Variants in C7 observed in about 807,000 individuals in gnomAD.
C7 encodes the protein complement C7, also known as complement component C7.
In C7, 83 loss-of-function variants were observed where a neutral mutation model predicts 104.8. That is an observed-to-expected ratio of 0.79 (90% CI 0.66 to 0.95). The LOEUF is 0.95. Ranked by LOEUF, C7 falls within the 40% of genes least tolerant of loss-of-function variation. The probability of loss-of-function intolerance (pLI) is 0.00; values close to 1 mark genes in which losing one functional copy is unlikely to be tolerated. For synonymous variants in C7, 415 were observed against 360.6 expected (o/e 1.15, Z -1.71); for missense variants, 1,070 against 1,011.2 (o/e 1.06, Z -0.79).
At chr5:40,966,665 C>T (rs1740561883) in intron 14 of C7, among the ~76,000 whole-genome samples, 1 of 152,122 alleles carries the variant, frequency 6.6e-6, no homozygotes, top group Admixed American at 6.5e-5. Context: ...GCATGAGCTA[C>T]CATGCCTGGC....
rs780204916 is a variant in C7, at chr5:40,979,741, T to C, written c.2182T>C (p.Cys728Arg). The C allele has an allele frequency of 8.7e-6, 14 of 1,612,476 alleles. No individual in the cohort carries two copies. The highest frequency in any genetic ancestry group is 1.1e-5 in the Non-Finnish European group (13 of 1,179,078). ...PYECGPSLDV[C>R]AQDERSKRIL... ...TCTTTTCAGACCTTCCTTGGATGTA[T>C]GTGCTCAAGATGAGAGAAGCAAAAG... is the stretch of plus-strand genomic sequence containing the variant. Residue 728 changes from cysteine to arginine, a missense_variant, in exon 17 of 18, where the codon TGT becomes CGT. Physicochemically the swap from Cys to Arg is radical, Grantham distance 180. Coordinates refer to ENST00000313164, the MANE Select transcript of C7 (RefSeq NM_000587.4).
intron 1 of C7, among the ~76,000 whole-genome samples, chr5:40,913,172 A>G (rs9292792): frequency 0.04 from 6,157 of 152,236 alleles, 435 homozygotes; most frequent in African/African-American, 0.14. Flanking sequence ...TTCATTGTGT[A>G]TATACTGCAT....
Position 40,955,297 on chromosome 5 carries a change from G to T in C7, c.1094-90G>T, listed in dbSNP as rs1740264327. On this transcript the variant is annotated intron_variant, in intron 9 of 17. Coordinates refer to ENST00000313164, the MANE Select transcript of C7 (RefSeq NM_000587.4). ...AATTTATCTTTTGACTGTTTCCATA[G>T]TTTGGCTTTTTCCAGGATGTCATAC... is the stretch of plus-strand genomic sequence containing the variant. 8 of 1,213,606 alleles carry T rather than the reference G, an allele frequency of 6.6e-6. No individual in the cohort carries two copies. In the African/African-American group the frequency reaches 9.2e-5, roughly 14 times the overall value. The allele number at this position is 1,213,606 out of a possible 1,614,324, so 75.2% of individuals were successfully genotyped here.
At chr5:40,925,937 C>A (rs1168528056) in intron 1 of C7, among the ~76,000 whole-genome samples, 1 of 152,078 alleles carries the variant, frequency 6.6e-6, no homozygotes, top group Non-Finnish European at 1.5e-5. Context: ...GATATCAAAG[C>A]CAAAGAAGCA....
At chr5:40,943,632 T>C (rs1310870612) in intron 6 of C7, among the ~76,000 whole-genome samples, 2 of 151,890 alleles carry the variant, frequency 1.3e-5, no homozygotes, top group East Asian at 1.9e-4. Context: ...AAACTAAATA[T>C]TTTTTAAATC....
intron 1 of C7, among the ~76,000 whole-genome samples, chr5:40,917,792 A>G (rs1739351285): frequency 1.3e-5 from 2 of 152,184 alleles, no homozygotes; most frequent in South Asian, 4.1e-4. Flanking sequence ...CAAGTCACAA[A>G]TCTTGACTTG....
chr5:40,950,953 C>T (rs534101252), intron 9 of C7, among the ~76,000 whole-genome samples: 1 of 152,206 alleles, frequency 6.6e-6, no homozygotes, highest in East Asian at 1.9e-4. Flanking sequence ...GGATTTCATT[C>T]TGATGGCTAT....
chr5:40,950,959 G>A (rs1394414421), intron 9 of C7, among the ~76,000 whole-genome samples: 1 of 152,116 alleles, frequency 6.6e-6, no homozygotes, highest in Non-Finnish European at 1.5e-5. Flanking sequence ...CATTCTGATG[G>A]CTATTGGGTT....
intron 12 of C7, among the ~76,000 whole-genome samples, chr5:40,961,308 A>T (rs1387280807): frequency 4.6e-5 from 7 of 152,212 alleles, no homozygotes; most frequent in Non-Finnish European, 8.8e-5. Flanking sequence ...ATGGTGCCTG[A>T]CACATAGTAA....
At chr5:40,924,420 G>A (rs563446921) in intron 1 of C7, among the ~76,000 whole-genome samples, 1 of 152,320 alleles carries the variant, frequency 6.6e-6, no homozygotes, top group Admixed American at 6.5e-5. Flanking sequence ...GGTTGGAGTT[G>A]AGTGCCTAAA....
chr5:40,959,260 C>T (rs1170263529), intron 11 of C7, among the ~76,000 whole-genome samples, 189 bp from the exon 12 acceptor site: 5 of 152,158 alleles, frequency 3.3e-5, no homozygotes, highest in African/African-American at 1.2e-4. Flanking sequence ...CTAATGCAAC[C>T]TTAATATGGA....
chr5:40,968,849 T>A (rs1257742793), intron 14 of C7, among the ~76,000 whole-genome samples: 5 of 151,464 alleles, frequency 3.3e-5, no homozygotes, highest in African/African-American at 7.3e-5. Context: ...TGAGCTCAAG[T>A]GATCTGCCTG....
At chr5:40,951,506 T>C (rs75461788) in intron 9 of C7, among the ~76,000 whole-genome samples, 3,993 of 152,194 alleles carry the variant, frequency 0.026, 82 homozygotes, top group Non-Finnish European at 0.04. Context: ...AAACTAACTA[T>C]TGGGTACTTA....
intron 9 of C7, among the ~76,000 whole-genome samples, chr5:40,952,027 A>C (rs1193390427): frequency 6.6e-6 from 1 of 152,210 alleles, no homozygotes; most frequent in Non-Finnish European, 1.5e-5. Flanking sequence ...GAAGTGGAAA[A>C]AGAATGATCT....
Position 40,965,971 on chromosome 5 carries a change from A to G in C7, c.1882+1098A>G, listed in dbSNP as rs541153836. Among the ~76,000 whole-genome samples the G allele has an allele frequency of 3.3e-5, 5 of 152,072 alleles. No homozygotes were observed. The South Asian group carries it at 6.2e-4, about 19-fold the overall frequency. On this transcript the variant is annotated intron_variant, in intron 14 of 17. Coordinates refer to ENST00000313164, the MANE Select transcript of C7 (RefSeq NM_000587.4). ...TTTTATATTTTTTCTAATGACTAAT[A>G]ATGTTAAGCTTGTTTTCATATGTTC...
chr5:40,934,218 T>G, intron 3 of C7, 107 bp from the exon 4 acceptor site: 1 of 1,164,426 alleles, frequency 8.6e-7, no homozygotes, highest in Non-Finnish European at 1.1e-6. Flanking sequence ...GTTGTTTTTC[T>G]AATTGTATTA....
chr5:40,919,640 T>A (rs1237629553), intron 1 of C7, among the ~76,000 whole-genome samples: 1 of 151,380 alleles, frequency 6.6e-6, no homozygotes, highest in Non-Finnish European at 1.5e-5. Context: ...AATAAATAAA[T>A]AAAAATAAAT....
At chr5:40,968,598 ATATTTTTTTTTTTTTTTTTTTT>A (rs1740622106) in intron 14 of C7, among the ~76,000 whole-genome samples, 13 of 22,054 alleles carry the variant, frequency 5.9e-4, no homozygotes, top group Non-Finnish European at 9.5e-4. Flanking sequence ...ATATATATAT[ATATTTTTTTTTTTTTTTTTTTT>A]TTTTTTTTTG....
In C7 at chr5:40,950,979, G is replaced by T. The variant is rs114095153; in HGVS notation, c.1093+965G>T. The stretch of plus-strand genomic sequence containing the variant: ...TGATGGCTATTGGGTTCCATTAAAA[G>T]ATTTAATACATGGAGTGATGAAATA... On this transcript the variant is annotated intron_variant, in intron 9 of 17. Transcript: ENST00000313164. Among the ~76,000 whole-genome samples the T allele has an allele frequency of 5.6e-3, 859 of 152,228 alleles. 6 individuals are homozygous for T. The highest frequency in any genetic ancestry group is 0.019 in the African/African-American group (806 of 41,534).
Sources: allele counts gnomAD v4.1 joint callset (sites outside exome capture counted in the v4.1 genomes callset), GRCh38; gene constraint gnomAD v4.1.1; transcripts MANE v1.5; gene names NCBI Gene and HGNC (gene_info 2026-07-23, HGNC 2026-07-21).